Variants in MEIS2 observed in about 807,000 individuals in gnomAD.
The protein encoded by MEIS2 is Meis homeobox 2, also known as homeobox protein Meis2.
MEIS2 carries 9 observed loss-of-function variants against 58.6 expected under a neutral mutation model. That is an observed-to-expected ratio of 0.15 (90% CI 0.09 to 0.27). The LOEUF (loss-of-function observed/expected upper bound fraction) is 0.27. MEIS2 is among the 10% of genes least tolerant of loss of function. MEIS2 has a pLI of 1.00. For synonymous variants in MEIS2, 221 were observed against 228.4 expected, an observed-to-expected ratio of 0.97 and a Z score of 0.29; for missense variants, 427 against 635.0, an observed-to-expected ratio of 0.67 and a Z score of 3.52.
At chr15:37,024,375 C>A (rs892182233) in intron 8 of MEIS2, among the ~76,000 whole-genome samples, 1 of 152,178 alleles carries the variant, frequency 6.6e-6, no homozygotes, top group African/African-American at 2.4e-5. Flanking sequence ...TCTGCACTGT[C>A]TCTTATTTTA....
chr15:37,026,757 T>C (rs1370705422), intron 8 of MEIS2, among the ~76,000 whole-genome samples: 1 of 152,212 alleles, frequency 6.6e-6, no homozygotes, highest in African/African-American at 2.4e-5. Flanking sequence ...CAATATCTCT[T>C]GAGTTGTAAT....
intron 8 of MEIS2, among the ~76,000 whole-genome samples, chr15:37,015,537 T>C (rs1395733456): frequency 2.0e-5 from 3 of 149,456 alleles, no homozygotes; most frequent in Non-Finnish European, 3.0e-5. Context: ...GTTATCGAAA[T>C]AAACTGCAGT....
chr15:37,057,366 A>T (rs1596032748), intron 7 of MEIS2, among the ~76,000 whole-genome samples: 1 of 152,172 alleles, frequency 6.6e-6, no homozygotes, highest in South Asian at 2.1e-4. Flanking sequence ...CTCATAAATT[A>T]GTCAGGCCAT....
chr15:37,051,338 C>T lies in MEIS2; in HGVS notation c.755-14379G>A, dbSNP rs537120834. On this transcript the variant is annotated intron_variant, in intron 7 of 11. Coordinates refer to ENST00000561208, the MANE Select transcript of MEIS2 (RefSeq NM_170675.5). ...CAGCATGGTACATTTTGAAATCATG[C>T]TAAATGGAGAAAGCCACACGCAAAA... is the stretch of plus-strand genomic sequence containing the variant. 2.0e-5 allele frequency among the ~76,000 whole-genome samples: 3 copies of T among 152,194 alleles called. No individual in the cohort carries two copies. The South Asian group carries it at 6.2e-4, about 32-fold the overall frequency.
intron 8 of MEIS2, among the ~76,000 whole-genome samples, chr15:37,020,113 A>G (rs899853928): frequency 1.3e-5 from 2 of 152,096 alleles, no homozygotes; most frequent in African/African-American, 2.4e-5. Context: ...AGAGCCAACA[A>G]GCCACCACAA....
rs1367045797 is a variant in MEIS2, at chr15:37,100,505, C to T, written c.-1039G>A. 1 of 143,256 alleles carries T rather than the reference C, an allele frequency of 7.0e-6. No homozygotes were observed. The highest frequency in any genetic ancestry group is 1.5e-5 in the Non-Finnish European group (1 of 66,772). The allele number at this position is 143,256 out of a possible 1,614,324, so 8.9% of individuals were successfully genotyped here. A position where few individuals can be genotyped will look rare whatever the true frequency, so the allele number is the denominator to read the frequency against. ...ACATCCCGGGAGTGGGGAGCGGGAGCGAGGAGGAGCGCGCCGCGCCGAGCC... is the reference window on the plus strand; with the variant it reads ...ACATCCCGGGAGTGGGGAGCGGGAGTGAGGAGGAGCGCGCCGCGCCGAGCC... On this transcript the variant is annotated 5_prime_UTR_variant, in exon 1 of 12. Coordinates refer to ENST00000561208, the MANE Select transcript of MEIS2 (RefSeq NM_170675.5).
intron 9 of MEIS2, among the ~76,000 whole-genome samples, chr15:36,911,890 C>T (rs1220172645): frequency 6.6e-6 from 1 of 152,184 alleles, no homozygotes; most frequent in African/African-American, 2.4e-5. Flanking sequence ...CAAAGCAATT[C>T]TTAAAATGAT....
chr15:37,080,266 A>G (rs930763679), intron 7 of MEIS2, among the ~76,000 whole-genome samples: 2 of 152,138 alleles, frequency 1.3e-5, no homozygotes, highest in Non-Finnish European at 2.9e-5. Flanking sequence ...CAAACTTGGC[A>G]CGAAATACTT....
chr15:36,972,472 G>T (rs1338817588), intron 8 of MEIS2, among the ~76,000 whole-genome samples: 1 of 152,092 alleles, frequency 6.6e-6, no homozygotes. Flanking sequence ...CAATGATCTG[G>T]TCTCGAACTC....
At chr15:37,099,007 G>T in intron 1 of MEIS2, 1 of 983,152 alleles carries the variant, frequency 1.0e-6, no homozygotes, top group Non-Finnish European at 1.2e-6. Flanking sequence ...CTGCGGCAGC[G>T]CGGCCCCAGC....
rs1342931739 is a variant in MEIS2 at position 36,891,304 on chromosome 15, C to T, written c.*869G>A. The T allele has an allele frequency of 6.6e-6, 1 of 152,262 alleles. No individual in the cohort carries two copies. The highest frequency in any genetic ancestry group is 6.6e-5 in the Admixed American group (1 of 15,244). The allele number at this position is 152,262 out of a possible 1,614,324, so 9.4% of individuals were successfully genotyped here. A position where few individuals can be genotyped will look rare whatever the true frequency, so the allele number is the denominator to read the frequency against. On this transcript the variant is annotated 3_prime_UTR_variant, in exon 12 of 12. Coordinates refer to ENST00000561208, the MANE Select transcript of MEIS2 (RefSeq NM_170675.5). ...ATCTAACATGAAACAATTAATAGAC[C>T]GAACTCTGTACGAAGTTTGTTACAG...
intron 8 of MEIS2, among the ~76,000 whole-genome samples, chr15:36,974,358 G>A (rs2059669505): frequency 6.6e-6 from 1 of 152,062 alleles, no homozygotes; most frequent in Non-Finnish European, 1.5e-5. Context: ...TAAGTCCACT[G>A]ATTTCATTAG....
intron 9 of MEIS2, among the ~76,000 whole-genome samples, chr15:36,915,845 C>T (rs2057252547): frequency 6.6e-6 from 1 of 152,114 alleles, no homozygotes; most frequent in African/African-American, 2.4e-5. Context: ...AAATTCAGGG[C>T]AAATGTTGTA....
intron 8 of MEIS2, among the ~76,000 whole-genome samples, chr15:36,990,571 C>G (rs2060238370): frequency 6.6e-6 from 1 of 151,876 alleles, no homozygotes; most frequent in Non-Finnish European, 1.5e-5. Context: ...ATCAAAAGAA[C>G]TAGTCAAAAA....
intron 8 of MEIS2, among the ~76,000 whole-genome samples, chr15:36,980,182 C>T (rs2059887517): frequency 1.3e-5 from 2 of 151,786 alleles, no homozygotes; most frequent in African/African-American, 4.8e-5. Context: ...GTGAATAATT[C>T]CCCTCAGTTT....
intron 8 of MEIS2, among the ~76,000 whole-genome samples, chr15:36,965,083 T>C (rs1347910519): frequency 2.0e-5 from 3 of 152,302 alleles, no homozygotes; most frequent in South Asian, 2.1e-4. Context: ...CAGAATTAAA[T>C]GCAAGAACTT....
intron 8 of MEIS2, among the ~76,000 whole-genome samples, chr15:37,017,012 A>G (rs1412372739): frequency 6.6e-6 from 1 of 152,250 alleles, no homozygotes; most frequent in African/African-American, 2.4e-5. Context: ...TCTGCTGTGA[A>G]GTATTTCTAA....
At chr15:36,943,189 A>G (rs1039318276) in intron 9 of MEIS2, among the ~76,000 whole-genome samples, 6 of 152,116 alleles carry the variant, frequency 3.9e-5, no homozygotes, top group Admixed American at 6.6e-5. Context: ...CGCTAAGTCA[A>G]TATCATTCTT....
chr15:37,094,067 A>C lies in MEIS2; in HGVS notation c.490-337T>G, dbSNP rs764700929. 4.3e-5 allele frequency: 13 copies of C among 300,014 alleles called. No homozygotes were observed. The South Asian group carries it at 7.4e-4, about 17-fold the overall frequency. The allele number at this position is 300,014 out of a possible 1,614,324, so 18.6% of individuals were successfully genotyped here. ...TAACATCAAAACATTACAACATTGG[A>C]GCTGGGGAGAGCATTAACGTTTGTG... On this transcript the variant is annotated intron_variant, in intron 5 of 11. Coordinates refer to ENST00000561208, the MANE Select transcript of MEIS2 (RefSeq NM_170675.5).
Sources: allele counts gnomAD v4.1 joint callset (sites outside exome capture counted in the v4.1 genomes callset), GRCh38; gene constraint gnomAD v4.1.1; transcripts MANE v1.5; gene names NCBI Gene and HGNC (gene_info 2026-07-23, HGNC 2026-07-21).